Variants in MCTP1 observed in about 807,000 individuals in gnomAD.
The protein encoded by MCTP1 is multiple C2 and transmembrane domain containing 1.
In MCTP1, 69 loss-of-function variants were observed where a neutral mutation model predicts 120.6. The ratio of observed to expected loss-of-function variants is 0.57; its 90% CI spans 0.47 to 0.70. The LOEUF is 0.70. Ranked by LOEUF, MCTP1 falls within the 30% of genes least tolerant of loss-of-function variation. The pLI, the probability that MCTP1 is intolerant of heterozygous loss-of-function variation, is 0.00. For synonymous variants in MCTP1, 529 were observed against 493.1 expected (o/e 1.07, Z -0.96); for missense variants, 1,203 against 1,248.8 (o/e 0.96, Z 0.55).
chr5:94,748,742 A>G (rs544289855), intron 19 of MCTP1, among the ~76,000 whole-genome samples: 35 of 152,354 alleles, frequency 2.3e-4, no homozygotes, highest in African/African-American at 8.4e-4. Context: ...AATAGATTCC[A>G]AAAAGACTTT....
At chr5:94,773,311 G>T (rs1338352535) in intron 19 of MCTP1, among the ~76,000 whole-genome samples, 6 of 152,172 alleles carry the variant, frequency 3.9e-5, no homozygotes. Flanking sequence ...ATCTTTGAAA[G>T]AATATGATTT....
At chr5:94,955,576 T>C (rs192054852) in intron 2 of MCTP1, among the ~76,000 whole-genome samples, 2 of 152,224 alleles carry the variant, frequency 1.3e-5, no homozygotes, top group African/African-American at 4.8e-5. Context: ...TTGAGCTTGG[T>C]AGGGAGAGGG....
intron 17 of MCTP1, among the ~76,000 whole-genome samples, chr5:94,802,975 C>A (rs1331099785): frequency 6.6e-6 from 1 of 152,046 alleles, no homozygotes; most frequent in South Asian, 2.1e-4. Context: ...ACTATAGCAC[C>A]CTTTCTGTAT....
chr5:94,771,053 C>A (rs969782071), intron 19 of MCTP1, among the ~76,000 whole-genome samples: 1 of 152,182 alleles, frequency 6.6e-6, no homozygotes, highest in Non-Finnish European at 1.5e-5. Context: ...ACAATCAAGC[C>A]AAACACCACC....
At chr5:94,831,686 A>C (rs1299866534) in intron 17 of MCTP1, among the ~76,000 whole-genome samples, 1 of 152,164 alleles carries the variant, frequency 6.6e-6, no homozygotes, top group Non-Finnish European at 1.5e-5. Context: ...GAAATTTGCT[A>C]AGCTTTAATG....
At chr5:95,062,578 T>C (rs190388782) in intron 1 of MCTP1, among the ~76,000 whole-genome samples, 1 of 152,114 alleles carries the variant, frequency 6.6e-6, no homozygotes, top group Admixed American at 6.6e-5. Flanking sequence ...CATTCCAGAG[T>C]CCCCTCAGCA....
chr5:94,827,812 C>T (rs571699993), intron 17 of MCTP1, among the ~76,000 whole-genome samples: 6 of 151,716 alleles, frequency 4.0e-5, no homozygotes, highest in African/African-American at 1.5e-4. Context: ...TTTTCAGCTC[C>T]GTCAGGTCAT....
intron 19 of MCTP1, among the ~76,000 whole-genome samples, chr5:94,715,968 C>T (rs1413352061): frequency 2.6e-5 from 4 of 152,216 alleles, no homozygotes; most frequent in African/African-American, 7.2e-5. Context: ...TCATGTTGCA[C>T]ATTTACATAC....
chr5:95,076,786 G>A (rs1753690819), intron 1 of MCTP1, among the ~76,000 whole-genome samples: 2 of 152,168 alleles, frequency 1.3e-5, no homozygotes, highest in South Asian at 2.1e-4. Flanking sequence ...AAATCTATAC[G>A]ATAATTGGTT....
intron 19 of MCTP1, among the ~76,000 whole-genome samples, chr5:94,758,613 T>C (rs538399921): frequency 2.0e-5 from 3 of 152,346 alleles, no homozygotes; most frequent in South Asian, 2.1e-4. Flanking sequence ...CCTGTTTTTA[T>C]GGAGGCTATA....
At chr5:94,815,878 G>A (rs1038606781) in intron 17 of MCTP1, among the ~76,000 whole-genome samples, 6 of 152,080 alleles carry the variant, frequency 3.9e-5, no homozygotes, top group Non-Finnish European at 5.9e-5. Context: ...GGCAATATGC[G>A]ACCTAAAAGC....
At position 94,931,943 on chromosome 5, in the gene MCTP1, T is replaced by G. The variant is rs773490699; in HGVS notation, c.1212+10A>C. 2.5e-6 allele frequency: 4 copies of G among 1,598,374 alleles called. No homozygotes were observed. Among genetic ancestry groups the G allele is most frequent in the Non-Finnish European group, 3.4e-6 (4 of 1,168,512 alleles). Reference sequence around the variant, plus strand: ...CAAGAAAAGCTGAAAGATCACAAGCTAAGAATTACCTTACTTGATCTTTTC... The same window carrying G: ...CAAGAAAAGCTGAAAGATCACAAGCGAAGAATTACCTTACTTGATCTTTTC... On this transcript the variant is annotated intron_variant, in intron 6 of 22. Transcript: ENST00000515393.
chr5:95,280,932 TTGTTGGGGCCTCG>T, intron 1 of MCTP1, among the ~76,000 whole-genome samples: 1 of 152,216 alleles, frequency 6.6e-6, no homozygotes, highest in Admixed American at 6.5e-5. Context: ...TGCACATATG[TTGTTGGGGCCTCG>T]TGCTGGGCTA....
chr5:94,966,987 G>A (rs1048396608), intron 2 of MCTP1, among the ~76,000 whole-genome samples: 5 of 152,084 alleles, frequency 3.3e-5, no homozygotes, highest in African/African-American at 7.2e-5. Context: ...AAACGCACTC[G>A]CACAAAATCT....
intron 1 of MCTP1, among the ~76,000 whole-genome samples, chr5:95,047,957 G>GT (rs1245805700): frequency 2.0e-5 from 3 of 152,128 alleles, no homozygotes; most frequent in Admixed American, 1.3e-4. Context: ...GTAATAAGGT[G>GT]TTAAGTAGAA....
chr5:94,762,159 T>C (rs756503479), intron 19 of MCTP1, among the ~76,000 whole-genome samples: 24 of 152,252 alleles, frequency 1.6e-4, no homozygotes, highest in Non-Finnish European at 3.2e-4. Flanking sequence ...ATGCCAAACA[T>C]GGCGGGCTTT....
chr5:94,730,952 C>CCA (rs139598308), intron 19 of MCTP1, among the ~76,000 whole-genome samples: 2 of 88,426 alleles, frequency 2.3e-5, no homozygotes, highest in African/African-American at 8.5e-5. Context: ...CACACACACT[C>CCA]CACACACACA....
At chr5:95,207,506 A>G (rs1172555672) in intron 1 of MCTP1, among the ~76,000 whole-genome samples, 1 of 152,222 alleles carries the variant, frequency 6.6e-6, no homozygotes, top group Non-Finnish European at 1.5e-5. Context: ...ATCTGATTAA[A>G]TTGATCAGAG....
chr5:94,977,717 T>C (rs1828441407), intron 2 of MCTP1, among the ~76,000 whole-genome samples: 1 of 152,156 alleles, frequency 6.6e-6, no homozygotes, highest in Non-Finnish European at 1.5e-5. Context: ...AGGGAAAGGA[T>C]AGTCTTCAAC....
Sources: allele counts gnomAD v4.1 joint callset (sites outside exome capture counted in the v4.1 genomes callset), GRCh38; gene constraint gnomAD v4.1.1; transcripts MANE v1.5; gene names NCBI Gene and HGNC (gene_info 2026-07-23, HGNC 2026-07-21).